Variants in BBC3 observed in about 807,000 individuals in gnomAD.
BBC3 encodes the protein bcl-2-binding component 3.
Under a neutral mutation model 18.2 loss-of-function variants are expected in BBC3, and 5 were observed. The ratio of observed to expected loss-of-function variants is 0.27; its 90% CI spans 0.14 to 0.58. The LOEUF (loss-of-function observed/expected upper bound fraction) is 0.58, where lower values mean the gene tolerates loss of function less well. Among genes scored for constraint, BBC3 ranks in the 20% least tolerant of loss-of-function variants. The probability of loss-of-function intolerance (pLI) is 0.91; values close to 1 mark genes in which losing one functional copy is unlikely to be tolerated. For synonymous variants in BBC3, 119 were observed against 128.0 expected (o/e 0.93, Z 0.47); for missense variants, 224 against 268.9 (o/e 0.83, Z 1.17).
rs530724485 is a variant in BBC3, at chr19:47,228,741, G to A, written c.-15-295C>T. Reference sequence around the variant, plus strand: ...GGACGGATGGAGGGGTCTAGCAGGTGTGTGTATGAGGGCTGTGACAGTCCC... The same window carrying A: ...GGACGGATGGAGGGGTCTAGCAGGTATGTGTATGAGGGCTGTGACAGTCCC... On this transcript the variant is annotated intron_variant, in intron 1 of 3. Coordinates refer to ENST00000439096, the MANE Select transcript of BBC3 (RefSeq NM_014417.5). The surrounding 1 kb of genome is among the most constrained non-coding windows in gnomAD (Gnocchi z 5.5). Among the ~76,000 whole-genome samples, 1 of 152,178 alleles carries A rather than the reference G, an allele frequency of 6.6e-6. No individual in the cohort carries two copies. The highest frequency in any genetic ancestry group is 1.9e-4 in the East Asian group (1 of 5,178).
rs1174883984 is a variant in BBC3, at chr19:47,221,447, C to T, written c.*355G>A. ...GAGAGCCCCCCCCTCCCAGTGTCAC[C>T]CCTGCAGCTGGAACGGGCACCAGCA... On this transcript the variant is annotated 3_prime_UTR_variant, in exon 4 of 4. Transcript: ENST00000439096. 1.8e-5 allele frequency: 5 copies of T among 271,730 alleles called. No individual in the cohort carries two copies. Among genetic ancestry groups the T allele is most frequent in the Admixed American group, 1.8e-4 (3 of 16,828 alleles). 16.8% of individuals were successfully genotyped at this position (271,730 alleles called of 1,614,324 possible). A position where few individuals can be genotyped will look rare whatever the true frequency, so the allele number is the denominator to read the frequency against.
upstream of BBC3, chr19:47,231,233 G>GACGCC (rs2058910844): frequency 1.0e-6 from 1 of 974,568 alleles, no homozygotes; most frequent in African/African-American, 1.8e-5. The surrounding 1 kb of genome is among the most constrained non-coding windows in gnomAD (Gnocchi z 4.0). Flanking sequence ...CCGCTCCAAA[G>GACGCC]CCGCCCCGCC....
At position 47,230,987 on chromosome 19, in the gene BBC3, G is replaced by C. The variant is rs1600254622; in HGVS notation, c.-74C>G. The C allele has an allele frequency of 1.0e-6, 1 of 985,434 alleles. No homozygotes were observed. The highest frequency in any genetic ancestry group is 1.2e-6 in the Non-Finnish European group (1 of 829,722). 61.0% of individuals were successfully genotyped at this position (985,434 alleles called of 1,614,324 possible). A position where few individuals can be genotyped will look rare whatever the true frequency, so the allele number is the denominator to read the frequency against. Reference sequence around the variant, plus strand: ...GTGGGGGGCGGGCGGCTTCCTTCAGGAGGGCGCGCCCGCCGAGCGCCGCTC... The same window carrying C: ...GTGGGGGGCGGGCGGCTTCCTTCAGCAGGGCGCGCCCGCCGAGCGCCGCTC... On this transcript the variant is annotated 5_prime_UTR_variant, in exon 1 of 4. Coordinates refer to ENST00000439096, the MANE Select transcript of BBC3 (RefSeq NM_014417.5). The surrounding 1 kb of genome is among the most constrained non-coding windows in gnomAD (Gnocchi z 6.7).
At chr19:47,223,072 C>A (rs1365108351) in intron 3 of BBC3, among the ~76,000 whole-genome samples, 2 of 148,408 alleles carry the variant, frequency 1.3e-5, no homozygotes, top group African/African-American at 5.0e-5. Context: ...AGATCGAGAT[C>A]ATCCTGGCTA....
chr19:47,221,562 C>T lies in BBC3; in HGVS notation c.*240G>A. On this transcript the variant is annotated 3_prime_UTR_variant, in exon 4 of 4. Coordinates refer to ENST00000439096, the MANE Select transcript of BBC3 (RefSeq NM_014417.5). ...TCACCGCCACCTTCCGATGCTGAGT[C>T]CATCAGCCGTCCCTCTCCTGGCTTC... 1.3e-6 allele frequency: 1 copy of T among 776,514 alleles called. No homozygotes were observed. Among genetic ancestry groups the T allele is most frequent in the Non-Finnish European group, 2.0e-6 (1 of 504,122 alleles). The allele number at this position is 776,514 out of a possible 1,614,324, so 48.1% of individuals were successfully genotyped here.
chr19:47,228,161 C>T lies in BBC3; in HGVS notation c.271G>A (p.Asp91Asn). 8.2e-7 allele frequency: 1 copy of T among 1,225,306 alleles called. No individual in the cohort carries two copies. The highest frequency in any genetic ancestry group is 1.0e-6 in the Non-Finnish European group (1 of 983,378). 75.9% of individuals were successfully genotyped at this position (1,225,306 alleles called of 1,614,324 possible). A position where few individuals can be genotyped will look rare whatever the true frequency, so the allele number is the denominator to read the frequency against. Residue 91 changes from aspartate (D) to asparagine (N), a missense_variant, in exon 2 of 4, where the codon GAC becomes AAC. Transcript: ENST00000439096. This position sits in a 1 kb window ranked among gnomAD's most constrained non-coding sequence, Gnocchi z 5.5. The part of the protein sequence containing the change: ...PRSRPRGPRP[D>N]GPQPSLSLAE... ...CGGGGGCGGGGCGGGCACTCACCGT[C>T]CGGGCGCGGGCCTCGGGGCCGGCTG...
chr19:47,232,664 C>G, upstream of BBC3: 3 of 1,449,872 alleles, frequency 2.1e-6, no homozygotes, highest in Non-Finnish European at 2.8e-6. Flanking sequence ...TCCTGCCCTG[C>G]TCTGGTTTGG....
In BBC3 at chr19:47,228,967, C is replaced by T. The variant is rs566464319; in HGVS notation, c.-15-521G>A. 5.9e-5 allele frequency among the ~76,000 whole-genome samples: 9 copies of T among 151,994 alleles called. No homozygotes were observed. The highest frequency in any genetic ancestry group is 2.2e-4 in the African/African-American group (9 of 41,352). The stretch of plus-strand genomic sequence containing the variant: ...ACACAAACACTGAGATGGCCCCAGT[C>T]TCGGACATCACTACTCAGTACACAC... On this transcript the variant is annotated intron_variant, in intron 1 of 3. Coordinates refer to ENST00000439096, the MANE Select transcript of BBC3 (RefSeq NM_014417.5). This position sits in a 1 kb window ranked among gnomAD's most constrained non-coding sequence, Gnocchi z 5.5.
In BBC3 at chr19:47,226,595, G is replaced by A. The variant is rs1347680956; in HGVS notation, c.434C>T (p.Ala145Val). The A allele has an allele frequency of 6.3e-7, 1 of 1,580,798 alleles. No homozygotes were observed. ...REIGAQLRRM[A>V]DDLNAQYERR... ...CTCGTACTGTGCGTTGAGGTCGTCC[G>A]CCATCCGCCGCAGCTGGGCCCCGAT... The change falls in exon 3 of 4, where the codon GCG (alanine) becomes GTG (valine). Residue 145 changes from alanine (A) to valine (V), a missense_variant. Coordinates refer to ENST00000439096, the MANE Select transcript of BBC3 (RefSeq NM_014417.5).
At chr19:47,224,525 C>G (rs2058788105) in intron 3 of BBC3, among the ~76,000 whole-genome samples, 1 of 151,868 alleles carries the variant, frequency 6.6e-6, no homozygotes, top group Admixed American at 6.6e-5. Flanking sequence ...ACTTGGGAGG[C>G]TGAGGCGGGA....
chr19:47,225,715 G>T (rs1472570256), intron 3 of BBC3, among the ~76,000 whole-genome samples: 2 of 152,082 alleles, frequency 1.3e-5, no homozygotes, highest in Non-Finnish European at 1.5e-5. Context: ...CTAATATTGA[G>T]GGAAAAAGGA....
Position 47,228,464 on chromosome 19 carries a change from A to C in BBC3, c.-15-18T>G. On this transcript the variant is annotated intron_variant, in intron 1 of 3. Coordinates refer to ENST00000439096, the MANE Select transcript of BBC3 (RefSeq NM_014417.5). This position sits in a 1 kb window ranked among gnomAD's most constrained non-coding sequence, Gnocchi z 5.5. ...CCTGGGGCCTGCGGGACACGGGAGG[A>C]GGAGCAGGTCAGCAGGGAAGTACCA... is the stretch of plus-strand genomic sequence containing the variant. The C allele has an allele frequency of 8.1e-7, 1 of 1,231,478 alleles. No homozygotes were observed. The highest frequency in any genetic ancestry group is 1.0e-6 in the Non-Finnish European group (1 of 987,528). 76.3% of individuals were successfully genotyped at this position (1,231,478 alleles called of 1,614,324 possible).
intron 3 of BBC3, among the ~76,000 whole-genome samples, chr19:47,224,974 C>T (rs1185049912): frequency 6.6e-6 from 1 of 151,598 alleles, no homozygotes; most frequent in Non-Finnish European, 1.5e-5. Flanking sequence ...TGCAATGGCA[C>T]GATCTCGGCT....
At position 47,228,076 on chromosome 19, in the gene BBC3, C is replaced by T; in HGVS notation, c.274+82G>A. ...TGGGCCCGCCACCTCCCCCCGTCCT[C>T]TCCCACTTCTCCAGTTCCTCCGAGT... On this transcript the variant is annotated intron_variant, in intron 2 of 3. Coordinates refer to ENST00000439096, the MANE Select transcript of BBC3 (RefSeq NM_014417.5). This position sits in a 1 kb window ranked among gnomAD's most constrained non-coding sequence, Gnocchi z 5.5. 9.0e-7 allele frequency: 1 copy of T among 1,110,448 alleles called. No homozygotes were observed. Among genetic ancestry groups the T allele is most frequent in the Non-Finnish European group, 1.1e-6 (1 of 884,084 alleles). The allele number at this position is 1,110,448 out of a possible 1,614,324, so 68.8% of individuals were successfully genotyped here.
Position 47,230,868 on chromosome 19 carries a change from C to T in BBC3, c.-16+61G>A. ...CCGCCTGCACTCCTGTCACCTCCTC[C>T]AGGGAGTCCACCCGGCCTGGCCGAT... On this transcript the variant is annotated intron_variant, in intron 1 of 3. Coordinates refer to ENST00000439096, the MANE Select transcript of BBC3 (RefSeq NM_014417.5). This position sits in a 1 kb window ranked among gnomAD's most constrained non-coding sequence, Gnocchi z 6.7. 8 of 982,344 alleles carry T rather than the reference C, an allele frequency of 8.1e-6. No homozygotes were observed. The highest frequency in any genetic ancestry group is 9.7e-6 in the Non-Finnish European group (8 of 827,278). The allele number at this position is 982,344 out of a possible 1,614,324, so 60.9% of individuals were successfully genotyped here.
intron 1 of BBC3, among the ~76,000 whole-genome samples, chr19:47,229,178 A>AAC (rs370280810): frequency 6.6e-6 from 1 of 151,486 alleles, no homozygotes; most frequent in Non-Finnish European, 1.5e-5. Flanking sequence ...TGCAAACACA[A>AAC]ACACACACAC....
chr19:47,228,350 C>G lies in BBC3; in HGVS notation c.82G>C (p.Gly28Arg). ...GACACTGCCGAGGGCACCAGGCGGC[C>G]GAGCGGGAAGGGGCGCGGGCCGTCG... The part of the protein sequence containing the change: ...ARDGPRPFPL[G>R]RLVPSAVSCG... The change falls in exon 2 of 4, where the codon GGC (glycine) becomes CGC (arginine). Residue 28 changes from glycine to arginine, a missense_variant. Coordinates refer to ENST00000439096, the MANE Select transcript of BBC3 (RefSeq NM_014417.5). The surrounding 1 kb of genome is among the most constrained non-coding windows in gnomAD (Gnocchi z 5.5). 1 of 1,229,706 alleles carries G rather than the reference C, an allele frequency of 8.1e-7. No homozygotes were observed. The highest frequency in any genetic ancestry group is 1.0e-6 in the Non-Finnish European group (1 of 986,888). 76.2% of individuals were successfully genotyped at this position (1,229,706 alleles called of 1,614,324 possible).
chr19:47,224,884 G>A (rs554236692), intron 3 of BBC3, among the ~76,000 whole-genome samples: 7 of 150,778 alleles, frequency 4.6e-5, no homozygotes, highest in East Asian at 2.0e-4. Context: ...GATTACTGGC[G>A]TGTGCCACCA....
chr19:47,227,858 C>A (rs10407441), intron 2 of BBC3, among the ~76,000 whole-genome samples: 80,819 of 152,040 alleles, frequency 0.53, 22,297 homozygotes, highest in East Asian at 0.69. Context: ...TCTAGAGGAC[C>A]CAGACTGGGG....
Sources: allele counts gnomAD v4.1 joint callset (sites outside exome capture counted in the v4.1 genomes callset), GRCh38; gene constraint gnomAD v4.1.1; non-coding constraint Gnocchi (gnomAD v3.1); transcripts MANE v1.5; gene names NCBI Gene and HGNC (gene_info 2026-07-23, HGNC 2026-07-21).